The following INPP4A variants were observed in gnomAD, a reference collection of about 807,000 sequenced individuals.
INPP4A encodes inositol polyphosphate-4-phosphatase, type I, 107kD.
A neutral mutation model predicts 119.8 loss-of-function variants in INPP4A; 33 were observed. The observed-to-expected ratio is 0.28, with a 90% CI of 0.21 to 0.37. The LOEUF is 0.37. INPP4A is among the 10% of genes least tolerant of loss of function. INPP4A has a pLI of 1.00. For synonymous variants in INPP4A, 496 were observed against 500.7 expected (o/e 0.99, Z 0.12); for missense variants, 956 against 1,289.9 (o/e 0.74, Z 3.97).
intron 7 of INPP4A, among the ~76,000 whole-genome samples, chr2:98,537,050 G>C (rs1690423923): frequency 1.3e-5 from 2 of 152,216 alleles, no homozygotes; most frequent in Non-Finnish European, 2.9e-5. Flanking sequence ...AGTTGGGTTA[G>C]AGTTAAATGT....
intron 1 of INPP4A, among the ~76,000 whole-genome samples, chr2:98,509,075 C>A (rs1684644194): frequency 6.6e-6 from 1 of 152,194 alleles, no homozygotes; most frequent in Non-Finnish European, 1.5e-5. Context: ...GCTTGGCCCC[C>A]ACCATTGTGG....
At chr2:98,503,092 C>T (rs1311931938) in intron 1 of INPP4A, among the ~76,000 whole-genome samples, 1 of 152,082 alleles carries the variant, frequency 6.6e-6, no homozygotes, top group Non-Finnish European at 1.5e-5. Context: ...GTGGTGGGTG[C>T]CATCTTGACC....
At chr2:98,461,215 G>T (rs1033783196) in intron 1 of INPP4A, among the ~76,000 whole-genome samples, 1 of 152,204 alleles carries the variant, frequency 6.6e-6, no homozygotes, top group Non-Finnish European at 1.5e-5. Context: ...ATCTCTAACT[G>T]GGACTCTGAC....
intron 22 of INPP4A, among the ~76,000 whole-genome samples, chr2:98,571,187 T>C (rs3769708): frequency 0.26 from 39,349 of 152,130 alleles, 5,100 homozygotes; most frequent in Middle Eastern, 0.35. Flanking sequence ...CCCCCTACTA[T>C]CCACTTTATG....
chr2:98,458,096 A>G (rs916015456), intron 1 of INPP4A, among the ~76,000 whole-genome samples: 4 of 152,028 alleles, frequency 2.6e-5, no homozygotes, highest in African/African-American at 9.6e-5. Context: ...TTGGATTGCA[A>G]GCATGAGCCA....
chr2:98,539,060 C>T, intron 9 of INPP4A, 79 bp downstream of exon 9: 1 of 732,772 alleles, frequency 1.4e-6, no homozygotes, highest in South Asian at 1.9e-5. Context: ...TGCTCCCCAC[C>T]TGCTGCGATT....
chr2:98,496,951 A>C (rs796624877), intron 1 of INPP4A, among the ~76,000 whole-genome samples: 59 of 152,274 alleles, frequency 3.9e-4, no homozygotes, highest in African/African-American at 1.4e-3. Context: ...GGCTCTGAGC[A>C]CTCAGTGAAA....
chr2:98,458,194 G>T (rs1696491595), intron 1 of INPP4A, among the ~76,000 whole-genome samples: 1 of 152,044 alleles, frequency 6.6e-6, no homozygotes, highest in African/African-American at 2.4e-5. Context: ...TAAAAAATTA[G>T]CTGGGCATGG....
At chr2:98,479,713 C>T (rs1012068904) in intron 1 of INPP4A, among the ~76,000 whole-genome samples, 2 of 152,160 alleles carry the variant, frequency 1.3e-5, no homozygotes, top group East Asian at 1.9e-4. Context: ...AAATGGAATT[C>T]GGGGTACACA....
At chr2:98,466,450 C>T (rs1674801471) in intron 1 of INPP4A, among the ~76,000 whole-genome samples, 1 of 152,252 alleles carries the variant, frequency 6.6e-6, no homozygotes, top group Non-Finnish European at 1.5e-5. Flanking sequence ...CAATGAGTCA[C>T]CGGCATTTTT....
At chr2:98,488,142 C>T (rs1410237090) in intron 1 of INPP4A, among the ~76,000 whole-genome samples, 1 of 152,136 alleles carries the variant, frequency 6.6e-6, no homozygotes, top group African/African-American at 2.4e-5. Flanking sequence ...GACATACCTC[C>T]ATTATTGTGG....
At chr2:98,481,536 A>G (rs1240750944) in intron 1 of INPP4A, among the ~76,000 whole-genome samples, 3 of 152,192 alleles carry the variant, frequency 2.0e-5, no homozygotes, top group Non-Finnish European at 4.4e-5. Context: ...TGTTTTAGCT[A>G]TCTGAAGTGG....
chr2:98,586,390 A>T (rs1021068029), intron 24 of INPP4A, among the ~76,000 whole-genome samples: 1 of 151,860 alleles, frequency 6.6e-6, no homozygotes, highest in Non-Finnish European at 1.5e-5. Context: ...TGAATTTTTT[A>T]AAAAATCACT....
intron 7 of INPP4A, among the ~76,000 whole-genome samples, chr2:98,537,400 C>T (rs920858989): frequency 2.6e-5 from 4 of 152,212 alleles, no homozygotes; most frequent in Admixed American, 1.3e-4. Flanking sequence ...TGGCTGGATT[C>T]CATTACTTGG....
Position 98,515,314 on chromosome 2 carries a change from G to A in INPP4A, c.-165-3650G>A, listed in dbSNP as rs141567088. 5.3e-3 allele frequency among the ~76,000 whole-genome samples: 805 copies of A among 152,222 alleles called. 11 individuals are homozygous for A. Among genetic ancestry groups the A allele is most frequent in the African/African-American group, 0.018 (748 of 41,514 alleles). ...CTTAGAGGCTGCTGACTCATGCTCAGCTTCATGCCAGCCTTTCATTTTACT... is the reference window on the plus strand; with the variant it reads ...CTTAGAGGCTGCTGACTCATGCTCAACTTCATGCCAGCCTTTCATTTTACT... On this transcript the variant is annotated intron_variant, in intron 1 of 24. Coordinates refer to ENST00000409851, the MANE Select transcript of INPP4A (RefSeq NM_001134225.2).
intron 24 of INPP4A, among the ~76,000 whole-genome samples, chr2:98,580,253 G>T (rs1699101117): frequency 6.6e-6 from 1 of 151,848 alleles, no homozygotes; most frequent in Non-Finnish European, 1.5e-5. Context: ...GCAGGTGGGG[G>T]TGGAGGGGGT....
At chr2:98,574,705 G>A (rs536286379) in intron 23 of INPP4A, among the ~76,000 whole-genome samples, 7 of 151,944 alleles carry the variant, frequency 4.6e-5, no homozygotes, top group Non-Finnish European at 2.9e-5. Flanking sequence ...GGGGATGTGC[G>A]TTCACTGATG....
rs12614502 is a variant in INPP4A at position 98,507,637 on chromosome 2, C to T, written c.-165-11327C>T. The stretch of plus-strand genomic sequence containing the variant: ...AGAACTGGGAGAGCACCCATGCAGG[C>T]GGCCTCTGGTGGCTGGAGCTGGAGA... On this transcript the variant is annotated intron_variant, in intron 1 of 24. Transcript: ENST00000409851. Among the ~76,000 whole-genome samples, 64 of 152,206 alleles carry T rather than the reference C, an allele frequency of 4.2e-4. No individual in the cohort carries two copies. The East Asian group carries it at 8.9e-3, about 21-fold the overall frequency.
At chr2:98,472,234 G>T (rs1478392332) in intron 1 of INPP4A, among the ~76,000 whole-genome samples, 2 of 152,228 alleles carry the variant, frequency 1.3e-5, no homozygotes, top group Non-Finnish European at 2.9e-5. Context: ...CCCTGTTGGG[G>T]TCCGGGGTTG....
Sources: allele counts gnomAD v4.1 joint callset (sites outside exome capture counted in the v4.1 genomes callset), GRCh38; gene constraint gnomAD v4.1.1; transcripts MANE v1.5; gene names NCBI Gene and HGNC (gene_info 2026-07-23, HGNC 2026-07-21).